Variants in GPC5 observed in about 807,000 individuals in gnomAD.
The protein encoded by GPC5 is glypican 5.
GPC5 carries 47 observed loss-of-function variants against 53.9 expected under a neutral mutation model. The observed-to-expected ratio is 0.87, with a 90% CI of 0.69 to 1.11. GPC5 has a LOEUF of 1.11. Ranked by LOEUF, GPC5 falls within the 50% of genes most tolerant of loss-of-function variation. The probability of loss-of-function intolerance (pLI) is 0.00; values close to 1 mark genes in which losing one functional copy is unlikely to be tolerated. For synonymous variants in GPC5, 286 were observed against 263.3 expected, an observed-to-expected ratio of 1.09 and a Z score of -0.84; for missense variants, 748 against 713.1, an observed-to-expected ratio of 1.05 and a Z score of -0.56.
chr13:92,024,633 T>A (rs1319091980), intron 6 of GPC5, among the ~76,000 whole-genome samples: 4 of 152,154 alleles, frequency 2.6e-5, no homozygotes, highest in African/African-American at 7.2e-5. Flanking sequence ...TTGCCTCAGG[T>A]AAAATGTTCC....
At chr13:92,464,121 A>G (rs1234966473) in intron 7 of GPC5, among the ~76,000 whole-genome samples, 2 of 152,182 alleles carry the variant, frequency 1.3e-5, no homozygotes, top group Non-Finnish European at 2.9e-5. Flanking sequence ...AAATAACTCA[A>G]TCAAAGTTAT....
chr13:92,758,841 C>T (rs72641085), intron 7 of GPC5, among the ~76,000 whole-genome samples: 9,920 of 151,926 alleles, frequency 0.065, 815 homozygotes, highest in East Asian at 0.37. Flanking sequence ...ATATTTTCAT[C>T]TAGGAGTTTT....
At chr13:91,479,144 C>T (rs9556093) in intron 2 of GPC5, among the ~76,000 whole-genome samples, 48,354 of 151,158 alleles carry the variant, frequency 0.32, 8,074 homozygotes, top group East Asian at 0.59. Flanking sequence ...AACTCCTGAG[C>T]TCAGGCAGTC....
At chr13:92,663,572 A>T in intron 7 of GPC5, among the ~76,000 whole-genome samples, 1 of 86,518 alleles carries the variant, frequency 1.2e-5, no homozygotes, top group Non-Finnish European at 3.3e-5. Context: ...CCCTGTTTCT[A>T]CTAAATATAT....
At chr13:91,796,047 C>G (rs1401216538) in intron 5 of GPC5, among the ~76,000 whole-genome samples, 1 of 152,038 alleles carries the variant, frequency 6.6e-6, no homozygotes, top group Non-Finnish European at 1.5e-5. Context: ...GGTGGCCAGC[C>G]ACTCCCAAGA....
chr13:92,575,428 A>G (rs1187576292), intron 7 of GPC5, among the ~76,000 whole-genome samples: 1 of 152,110 alleles, frequency 6.6e-6, no homozygotes, highest in Non-Finnish European at 1.5e-5. Flanking sequence ...GCGAGAGAAC[A>G]TTTTCAGACA....
rs141126559 is a variant in GPC5 at position 92,356,547 on chromosome 13, G to A, written c.1561+211558G>A. On this transcript the variant is annotated intron_variant, in intron 7 of 7. Transcript: ENST00000377067. ...TGTGGAAAGTTGTTGGACTTTGAAT[G>A]TATTTTAAAGACAAAGGTAAAAAGA... 3.4e-3 allele frequency among the ~76,000 whole-genome samples: 515 copies of A among 152,276 alleles called. 4 individuals are homozygous for A. Among genetic ancestry groups the A allele is most frequent in the African/African-American group, 0.012 (486 of 41,552 alleles).
intron 7 of GPC5, among the ~76,000 whole-genome samples, chr13:92,814,079 A>G (rs960101732): frequency 1.3e-5 from 2 of 152,054 alleles, no homozygotes; most frequent in Admixed American, 6.5e-5. Context: ...CTGTATTTAT[A>G]TGGTCAATTG....
At chr13:92,040,084 A>C (rs1325591475) in intron 6 of GPC5, among the ~76,000 whole-genome samples, 1 of 152,242 alleles carries the variant, frequency 6.6e-6, no homozygotes, top group Non-Finnish European at 1.5e-5. Flanking sequence ...GGTGGAGAGT[A>C]ATTAAAATGA....
chr13:92,616,036 A>G (rs1400718445), intron 7 of GPC5, among the ~76,000 whole-genome samples: 3 of 152,250 alleles, frequency 2.0e-5, no homozygotes, highest in Admixed American at 2.0e-4. Flanking sequence ...CCTGGGTGAC[A>G]GAGCGAGACT....
chr13:91,821,498 A>T (rs1181856747), intron 5 of GPC5, among the ~76,000 whole-genome samples: 1 of 152,114 alleles, frequency 6.6e-6, no homozygotes, highest in African/African-American at 2.4e-5. Flanking sequence ...AAAAGTGGAG[A>T]TATTTCTTCT....
At chr13:91,678,194 T>G (rs1222077849) in intron 2 of GPC5, among the ~76,000 whole-genome samples, 1 of 152,196 alleles carries the variant, frequency 6.6e-6, no homozygotes, top group East Asian at 1.9e-4. Context: ...TTTCCCGACC[T>G]GTAACTGTAG....
chr13:91,628,727 A>G (rs1362365158), intron 2 of GPC5, among the ~76,000 whole-genome samples: 1 of 152,136 alleles, frequency 6.6e-6, no homozygotes, highest in Non-Finnish European at 1.5e-5. Flanking sequence ...ATAAGATAAT[A>G]ACTAAGTCCA....
At chr13:92,397,317 A>G (rs1361363053) in intron 7 of GPC5, among the ~76,000 whole-genome samples, 1 of 152,132 alleles carries the variant, frequency 6.6e-6, no homozygotes, top group Non-Finnish European at 1.5e-5. Flanking sequence ...AAGACCTCTC[A>G]TGAGATTTGA....
chr13:92,337,871 G>A (rs1227714019), intron 7 of GPC5, among the ~76,000 whole-genome samples: 1 of 152,056 alleles, frequency 6.6e-6, no homozygotes, highest in South Asian at 2.1e-4. Flanking sequence ...AGATAGCTTA[G>A]GTAAAATTCT....
At chr13:92,073,972 T>G (rs543895439) in intron 6 of GPC5, among the ~76,000 whole-genome samples, 237 of 152,328 alleles carry the variant, frequency 1.6e-3, no homozygotes, top group Non-Finnish European at 1.8e-3. Context: ...GCATTTCTCC[T>G]TCCTGCCATC....
At chr13:91,905,887 A>C (rs1261205641) in intron 5 of GPC5, among the ~76,000 whole-genome samples, 1 of 152,084 alleles carries the variant, frequency 6.6e-6, no homozygotes. Flanking sequence ...TTCATTTTAA[A>C]ATGTCTCTTT....
chr13:91,913,796 C>G (rs1036352158), intron 6 of GPC5, among the ~76,000 whole-genome samples: 4 of 152,182 alleles, frequency 2.6e-5, no homozygotes, highest in Admixed American at 6.5e-5. Context: ...AAGCCTGTTT[C>G]TGAAACAGGC....
chr13:92,032,465 C>A lies in GPC5; in HGVS notation c.1402-112365C>A, dbSNP rs866666960. ...AAAATTTAAAAAAAAAAAACAGAAA[C>A]AAAAACAAGAAAACTCAACTTTTTA... On this transcript the variant is annotated intron_variant, in intron 6 of 7. Coordinates refer to ENST00000377067, the MANE Select transcript of GPC5 (RefSeq NM_004466.6). Among the ~76,000 whole-genome samples the A allele has an allele frequency of 8.7e-4, 131 of 151,226 alleles. 1 individual carries two copies. The Middle Eastern group carries it at 0.034, about 39-fold the overall frequency.
Sources: allele counts gnomAD v4.1 joint callset (sites outside exome capture counted in the v4.1 genomes callset), GRCh38; gene constraint gnomAD v4.1.1; transcripts MANE v1.5; gene names NCBI Gene and HGNC (gene_info 2026-07-23, HGNC 2026-07-21).